The following PUDP variants were observed in gnomAD, a reference collection of about 807,000 sequenced individuals.
The protein encoded by PUDP is pseudouridine 5'-phosphatase, also known as pseudouridine-5'-phosphatase.
A neutral mutation model predicts 9.4 loss-of-function variants in PUDP; 8 were observed. The ratio of observed to expected loss-of-function variants is 0.85; its 90% CI spans 0.50 to 1.53. The LOEUF is 1.53. Ranked by LOEUF, PUDP falls within the 40% of genes most tolerant of loss-of-function variation. PUDP has a pLI of 0.00. For synonymous variants in PUDP, 99 were observed against 80.7 expected, an observed-to-expected ratio of 1.23 and a Z score of -1.22; for missense variants, 188 against 189.7, an observed-to-expected ratio of 0.99 and a Z score of 0.05.
chrX:7,123,448 A>T (rs757429874), intron 1 of PUDP, among the ~76,000 whole-genome samples: 32 of 112,321 alleles, frequency 2.8e-4, no homozygotes, highest in African/African-American at 9.4e-4. Flanking sequence ...ATCTAAAGTT[A>T]AAAAAGGCAG....
chrX:7,119,128 G>A (rs1394254176), intron 1 of PUDP, among the ~76,000 whole-genome samples: 4 of 111,893 alleles, frequency 3.6e-5, no homozygotes, highest in African/African-American at 9.8e-5. Flanking sequence ...TCTCAGACCC[G>A]AAAACAGAAG....
At chrX:6,934,522 A>C (rs1317533022) in intron 3 of PUDP, among the ~76,000 whole-genome samples, 1 of 110,583 alleles carries the variant, frequency 9.0e-6, no homozygotes, top group Admixed American at 9.6e-5. Context: ...CAGCCGCTGC[A>C]AAATCATGCC....
chrX:6,737,572 G>C (rs1416893527), intron 3 of PUDP, among the ~76,000 whole-genome samples: 1 of 109,155 alleles, frequency 9.2e-6, no homozygotes, highest in Admixed American at 9.8e-5. Context: ...GAATGCCCTA[G>C]GCACCCAGAG....
At chrX:7,135,362 C>A (rs1471871014) in intron 1 of PUDP, among the ~76,000 whole-genome samples, 1 of 112,044 alleles carries the variant, frequency 8.9e-6, no homozygotes, top group Non-Finnish European at 1.9e-5. Context: ...AAGCATCATG[C>A]CCTGACAAAC....
chrX:6,855,524 G>C (rs1926892045), intron 3 of PUDP, among the ~76,000 whole-genome samples: 1 of 111,527 alleles, frequency 9.0e-6, no homozygotes, highest in African/African-American at 3.3e-5. Context: ...TGTCCTACAA[G>C]CCCCCAATCC....
chrX:6,779,244 C>T (rs1197696499), intron 3 of PUDP, among the ~76,000 whole-genome samples: 1 of 111,443 alleles, frequency 9.0e-6, no homozygotes, highest in Non-Finnish European at 1.9e-5. Flanking sequence ...AATAATTTTT[C>T]ATTCATCCTC....
rs185213322 is a variant in PUDP, at chrX:6,958,253, G to A, written c.*247+18880C>T. ...AGGTAGAGGAGAACAAAGGAAGGCG[G>A]AAGTAACTTGTGGAATGCTGAGAAA... On this transcript the variant is annotated intron_variant and NMD_transcript_variant, in intron 3 of 3. Coordinates refer to the PUDP transcript ENST00000655425. Among the ~76,000 whole-genome samples the A allele has an allele frequency of 3.6e-5, 4 of 111,830 alleles. No homozygotes were observed. In the East Asian group the frequency reaches 1.1e-3, roughly 32 times the overall value.
intron 3 of PUDP, among the ~76,000 whole-genome samples, chrX:6,753,645 G>GT (rs758401096): frequency 8.3e-4 from 93 of 111,587 alleles, no homozygotes; most frequent in African/African-American, 2.8e-3. Context: ...ACTATTTTTT[G>GT]TTTTTTTGAT....
chrX:6,989,387 C>A, intron 1 of PUDP: 1 of 147,571 alleles, frequency 6.8e-6, no homozygotes, highest in Admixed American at 6.0e-5. Context: ...CCATTGGATA[C>A]AATAGAAAAT....
chrX:6,863,040 T>C (rs964787792), intron 3 of PUDP, among the ~76,000 whole-genome samples: 2 of 111,745 alleles, frequency 1.8e-5, no homozygotes, highest in Admixed American at 1.9e-4. Flanking sequence ...ATTATGTAAA[T>C]AATTTTATTA....
intron 3 of PUDP, among the ~76,000 whole-genome samples, chrX:7,071,448 C>T (rs375436593): frequency 9.0e-6 from 1 of 111,102 alleles, no homozygotes; most frequent in Non-Finnish European, 1.9e-5. Context: ...CCTATTGTAC[C>T]ATGTGTAAAC....
At chrX:7,027,878 T>C (rs1326151549) in intron 1 of PUDP, among the ~76,000 whole-genome samples, 1 of 80,454 alleles carries the variant, frequency 1.2e-5, no homozygotes, top group African/African-American at 4.7e-5. Flanking sequence ...ATAGAATATA[T>C]TATTTTCTAT....
chrX:7,004,873 G>C, intron 1 of PUDP, among the ~76,000 whole-genome samples: 1 of 112,260 alleles, frequency 8.9e-6, no homozygotes, highest in Admixed American at 9.4e-5. Flanking sequence ...AATGTAAATT[G>C]CTATATGAGA....
intron 3 of PUDP, among the ~76,000 whole-genome samples, chrX:6,755,561 A>G (rs1649296071): frequency 8.9e-6 from 1 of 111,965 alleles, no homozygotes. Context: ...GCTCTCATCA[A>G]TAATATATTT....
rs147281231 is a variant in PUDP at position 7,072,313 on chromosome X, C to T, written c.510+4907G>A. On this transcript the variant is annotated intron_variant, in intron 3 of 3. Coordinates refer to ENST00000381077, the MANE Select transcript of PUDP (RefSeq NM_012080.5). Reference sequence around the variant, plus strand: ...AACCCTGGTATTATACAAAAAAAGACAGATACCGAATATACACAAAACTTA... The same window carrying T: ...AACCCTGGTATTATACAAAAAAAGATAGATACCGAATATACACAAAACTTA... 8.9e-5 allele frequency among the ~76,000 whole-genome samples: 10 copies of T among 112,103 alleles called. No homozygotes were observed. The East Asian group carries it at 2.2e-3, about 25-fold the overall frequency.
chrX:6,939,918 A>AT (rs1928375331), intron 3 of PUDP, among the ~76,000 whole-genome samples: 1 of 112,265 alleles, frequency 8.9e-6, no homozygotes, highest in Non-Finnish European at 1.9e-5. Context: ...GATAGCTGTT[A>AT]AAGAAGGAAT....
intron 3 of PUDP, among the ~76,000 whole-genome samples, chrX:6,868,912 A>C (rs752088781): frequency 4.5e-5 from 5 of 111,976 alleles, no homozygotes; most frequent in Non-Finnish European, 9.4e-5. Flanking sequence ...TTACTTTTCT[A>C]ATCTACTTTC....
chrX:6,871,890 T>TA (rs1041247870), intron 3 of PUDP, among the ~76,000 whole-genome samples: 7 of 111,840 alleles, frequency 6.3e-5, no homozygotes, highest in African/African-American at 9.7e-5. Context: ...GATAGCTTTT[T>TA]AAAAAAACCT....
intron 3 of PUDP, among the ~76,000 whole-genome samples, chrX:6,750,717 C>A (rs781457370): frequency 8.9e-6 from 1 of 112,063 alleles, no homozygotes; most frequent in Non-Finnish European, 1.9e-5. Context: ...CACAAAAACA[C>A]TTGTTTCCAT....
Sources: allele counts gnomAD v4.1 joint callset (sites outside exome capture counted in the v4.1 genomes callset), GRCh38; gene constraint gnomAD v4.1.1; transcripts MANE v1.5; gene names NCBI Gene and HGNC (gene_info 2026-07-23, HGNC 2026-07-21).